The following FHIT variants were observed in gnomAD, a reference collection of about 807,000 sequenced individuals.
FHIT encodes the protein bis(5'-adenosyl)-triphosphatase.
FHIT carries 19 observed loss-of-function variants against 17.9 expected under a neutral mutation model. The observed-to-expected ratio is 1.06, with a 90% CI of 0.74 to 1.56. The LOEUF (loss-of-function observed/expected upper bound fraction) is 1.56, where lower values mean the gene tolerates loss of function less well. Ranked by LOEUF, FHIT falls within the 40% of genes most tolerant of loss-of-function variation. The pLI is 0.00. For synonymous variants in FHIT, 81 were observed against 69.7 expected, an observed-to-expected ratio of 1.16 and a Z score of -0.81; for missense variants, 248 against 189.2, an observed-to-expected ratio of 1.31 and a Z score of -1.82.
At chr3:61,100,941 T>C (rs955342956) in intron 2 of FHIT, among the ~76,000 whole-genome samples, 1 of 152,236 alleles carries the variant, frequency 6.6e-6, no homozygotes, top group African/African-American at 2.4e-5. Context: ...TTGAGTTCTT[T>C]GTAGATTCTG....
chr3:60,975,594 TA>T (rs1480365669), intron 3 of FHIT, among the ~76,000 whole-genome samples: 1 of 152,220 alleles, frequency 6.6e-6, no homozygotes, highest in Non-Finnish European at 1.5e-5. Context: ...GTAAAATTTT[TA>T]GTGTGCCAAT....
intron 4 of FHIT, among the ~76,000 whole-genome samples, chr3:60,539,269 C>T (rs1048961460): frequency 5.9e-5 from 9 of 152,102 alleles, no homozygotes; most frequent in African/African-American, 1.7e-4. Flanking sequence ...GCTAGAATGG[C>T]GATCAGTAAA....
At chr3:60,906,629 A>G (rs1248861226) in intron 3 of FHIT, among the ~76,000 whole-genome samples, 1 of 152,280 alleles carries the variant, frequency 6.6e-6, no homozygotes, top group South Asian at 2.1e-4. Flanking sequence ...ACTGATGGAG[A>G]TATGTCAAAA....
chr3:60,133,323 G>A (rs1404413768), intron 5 of FHIT, among the ~76,000 whole-genome samples: 2 of 152,120 alleles, frequency 1.3e-5, no homozygotes, highest in South Asian at 2.1e-4. Context: ...TAAAATACTG[G>A]AAACTGAGTA....
chr3:60,497,551 G>A (rs989524602), intron 5 of FHIT, among the ~76,000 whole-genome samples: 6 of 151,902 alleles, frequency 3.9e-5, no homozygotes, highest in Admixed American at 1.3e-4. Flanking sequence ...TCACACTCAC[G>A]ATCAAACGTA....
At chr3:60,314,284 G>A (rs1232504738) in intron 5 of FHIT, among the ~76,000 whole-genome samples, 2 of 152,010 alleles carry the variant, frequency 1.3e-5, no homozygotes, top group Non-Finnish European at 2.9e-5. Context: ...GACTACAGAG[G>A]GCAAATTCAT....
chr3:60,223,367 T>C (rs1398884907), intron 5 of FHIT, among the ~76,000 whole-genome samples: 1 of 152,202 alleles, frequency 6.6e-6, no homozygotes, highest in Admixed American at 6.5e-5. Context: ...TTCAGGTCCA[T>C]CTGGGCACCA....
In FHIT at chr3:61,086,380, T is replaced by C. The variant is rs191766915; in HGVS notation, c.-163-44281A>G. On this transcript the variant is annotated intron_variant, in intron 2 of 9. Coordinates refer to ENST00000492590, the MANE Select transcript of FHIT (RefSeq NM_002012.4). ...ATCATTTGATTTTTGAACATTACCT[T>C]ACCACTCATATCTATAATAAATACA... 4.6e-5 allele frequency among the ~76,000 whole-genome samples: 7 copies of C among 152,304 alleles called. No individual in the cohort carries two copies. In the East Asian group the frequency reaches 1.3e-3, roughly 29 times the overall value.
intron 5 of FHIT, among the ~76,000 whole-genome samples, chr3:60,018,630 A>G (rs540646658): frequency 1.0e-3 from 159 of 152,278 alleles, no homozygotes; most frequent in Middle Eastern, 0.01. Flanking sequence ...TCCAGTTTCT[A>G]TATCACTTAT....
chr3:60,669,074 G>A (rs188994154), intron 4 of FHIT, among the ~76,000 whole-genome samples: 373 of 152,138 alleles, frequency 2.5e-3, no homozygotes, highest in African/African-American at 8.8e-3. Flanking sequence ...GTACATCCAC[G>A]GATTTGAAAC....
intron 7 of FHIT, among the ~76,000 whole-genome samples, chr3:59,988,769 G>A (rs1038383197): frequency 6.6e-6 from 1 of 152,110 alleles, no homozygotes; most frequent in Non-Finnish European, 1.5e-5. Flanking sequence ...TGAGCCAAGG[G>A]CTTCAGCAGA....
chr3:60,364,699 A>G (rs929223923), intron 5 of FHIT, among the ~76,000 whole-genome samples: 1 of 152,210 alleles, frequency 6.6e-6, no homozygotes, highest in Admixed American at 6.5e-5. Context: ...TTCTGTGTGT[A>G]TCAGTGAGGG....
intron 5 of FHIT, among the ~76,000 whole-genome samples, chr3:60,271,692 T>C (rs1706873023): frequency 6.6e-6 from 1 of 152,154 alleles, no homozygotes; most frequent in African/African-American, 2.4e-5. Flanking sequence ...ATCACTGTCA[T>C]AAAAAAGTCC....
chr3:60,777,985 T>C (rs1239829827), intron 4 of FHIT, among the ~76,000 whole-genome samples: 1 of 152,186 alleles, frequency 6.6e-6, no homozygotes, highest in African/African-American at 2.4e-5. Context: ...CCCTGGTACA[T>C]GGCTTTTCAA....
intron 4 of FHIT, among the ~76,000 whole-genome samples, chr3:60,598,526 T>C (rs1553667526): frequency 1.3e-5 from 2 of 152,140 alleles, no homozygotes; most frequent in African/African-American, 4.8e-5. Flanking sequence ...TTCCATGTTG[T>C]TGCAAGAGCA....
intron 3 of FHIT, among the ~76,000 whole-genome samples, chr3:60,886,310 A>C (rs1170019205): frequency 6.6e-6 from 1 of 152,222 alleles, no homozygotes; most frequent in Non-Finnish European, 1.5e-5. Context: ...AATCTTGGCA[A>C]GGCGCCTATG....
intron 2 of FHIT, among the ~76,000 whole-genome samples, chr3:61,162,026 C>T (rs145501476): frequency 6.6e-6 from 1 of 152,282 alleles, no homozygotes; most frequent in Non-Finnish European, 1.5e-5. Context: ...GTGGGAGTGC[C>T]AGTTAAAGAG....
At chr3:61,098,514 C>T (rs1269176293) in intron 2 of FHIT, among the ~76,000 whole-genome samples, 2 of 152,128 alleles carry the variant, frequency 1.3e-5, no homozygotes, top group African/African-American at 4.8e-5. Flanking sequence ...ATAGGAATAA[C>T]ACTGAATTTC....
intron 8 of FHIT, among the ~76,000 whole-genome samples, chr3:59,878,444 T>C (rs1421164238): frequency 6.6e-6 from 1 of 152,218 alleles, no homozygotes; most frequent in Non-Finnish European, 1.5e-5. Context: ...TTATGGGCTC[T>C]AACTAACAGC....
Sources: gnomAD v4.1 joint callset for allele counts (sites outside exome capture counted in the v4.1 genomes callset) on GRCh38, gnomAD v4.1.1 for gene constraint, MANE v1.5 for transcripts, NCBI Gene and HGNC (gene_info 2026-07-23, HGNC 2026-07-21) for gene names.